RIPK4: variants seen among roughly 807,000 people sequenced by gnomAD.
The protein encoded by RIPK4 is receptor interacting serine/threonine kinase 4.
Under a neutral mutation model 42.9 loss-of-function variants are expected in RIPK4, and 17 were observed. The ratio of observed to expected loss-of-function variants is 0.40; its 90% CI spans 0.27 to 0.59. RIPK4 has a LOEUF of 0.59. RIPK4 is among the 20% of genes least tolerant of loss of function. RIPK4 has a pLI of 0.47. For synonymous variants in RIPK4, 498 were observed against 499.1 expected (o/e 1.00, Z 0.03); for missense variants, 897 against 1,104.4 (o/e 0.81, Z 2.66).
chr21:41,753,099 G>A (rs13048907), intron 2 of RIPK4, among the ~76,000 whole-genome samples: 21,869 of 152,108 alleles, frequency 0.14, 1,722 homozygotes, highest in South Asian at 0.21. Flanking sequence ...TCCCTCCCAC[G>A]GTTAGTTAAG....
Position 41,766,911 on chromosome 21 carries a change from C to T in RIPK4, c.131G>A (p.Trp44Ter), listed in dbSNP as rs1342769058. The T allele has an allele frequency of 6.2e-7, 1 of 1,610,900 alleles. No individual in the cohort carries two copies. Among genetic ancestry groups the T allele is most frequent in the African/African-American group, 1.3e-5 (1 of 74,498 alleles). Residue 44 changes from tryptophan (W) to a stop codon, truncating the protein, a stop_gained, in exon 1 of 8, where the codon TGG becomes TAG. Coordinates refer to ENST00000332512, the MANE Select transcript of RIPK4 (RefSeq NM_020639.3). LOFTEE classifies it high-confidence loss of function. ...GCACTTGATGGCCAGCCAGGTCTTC[C>T]AGTGGACATGGCGCACCTTGTACAC... ...GQVYKVRHVH[W>*]KTWLAIKCSP...
In RIPK4 at chr21:41,741,022, C is replaced by A. The variant is rs766516062; in HGVS notation, c.2171G>T (p.Ser724Ile). The change falls in exon 8 of 8, where the codon AGC becomes ATC. Residue 724 changes from serine (S) to isoleucine (I), a missense_variant. Ser to Ile is a moderately radical substitution (Grantham distance 142, BLOSUM62 -2). Transcript: ENST00000332512. The part of the protein sequence containing the change: ...GHSEVVEELV[S>I]ADVIDLFDEQ... Reference sequence around the variant, plus strand: ...GTCGAACAGGTCAATGACATCGGCGCTGACCAACTCCTCCACCACCTCCGA... The same window carrying A: ...GTCGAACAGGTCAATGACATCGGCGATGACCAACTCCTCCACCACCTCCGA... 3.1e-6 allele frequency: 5 copies of A among 1,609,592 alleles called. No homozygotes were observed. Among genetic ancestry groups the A allele is most frequent in the East Asian group, 2.2e-5 (1 of 44,816 alleles).
rs746468215 is a variant in RIPK4, at chr21:41,756,559, G to A, written c.440C>T (p.Ala147Val). 6.2e-6 allele frequency: 10 copies of A among 1,613,676 alleles called. No homozygotes were observed. The highest frequency in any genetic ancestry group is 1.7e-5 in the Admixed American group (1 of 60,016). ...GTAGTGGGCATCCAGCAGGATGTTC[G>A]CGGGCTTGAGGTCCAGGTGCAGGAG... The part of the protein sequence containing the change: ...PPLLHLDLKP[A>V]NILLDAHYHV... The change falls in exon 2 of 8, where the codon GCG becomes GTG. Residue 147 changes from alanine to valine, a missense_variant. Physicochemically the swap from Ala to Val is moderately conservative, Grantham distance 64 (BLOSUM62 0). Coordinates refer to ENST00000332512, the MANE Select transcript of RIPK4 (RefSeq NM_020639.3).
chr21:41,754,485 G>C lies in RIPK4; in HGVS notation c.474+2040C>G, dbSNP rs2061197208. Among the ~76,000 whole-genome samples the C allele has an allele frequency of 2.0e-5, 3 of 152,126 alleles. No individual in the cohort carries two copies. The South Asian group carries it at 6.2e-4, about 32-fold the overall frequency. On this transcript the variant is annotated intron_variant, in intron 2 of 7. Coordinates refer to ENST00000332512, the MANE Select transcript of RIPK4 (RefSeq NM_020639.3). ...ACACAGAGATGTCCTGTCACTTCCT[G>C]GCCAGCACCCAGCGTGCCTTCGACA...
intron 4 of RIPK4, among the ~76,000 whole-genome samples, chr21:41,748,309 C>T (rs1212482618): frequency 6.6e-6 from 1 of 152,232 alleles, no homozygotes; most frequent in Non-Finnish European, 1.5e-5. Context: ...TAGGCCTTGA[C>T]TCTCATCTTC....
chr21:41,757,476 C>A (rs2061207244), intron 1 of RIPK4, among the ~76,000 whole-genome samples: 2 of 149,700 alleles, frequency 1.3e-5, no homozygotes, highest in Non-Finnish European at 3.0e-5. Context: ...GAGCTGAAAT[C>A]ATGCCACTGC....
intron 6 of RIPK4, among the ~76,000 whole-genome samples, chr21:41,744,932 G>A (rs530928506): frequency 4.3e-4 from 65 of 152,162 alleles, no homozygotes; most frequent in African/African-American, 1.4e-3. Context: ...GGAATCTGAC[G>A]GGATTTCACG....
rs116060653 is a variant in RIPK4 at position 41,742,139 on chromosome 21, G to C, written c.1196-142C>G. On this transcript the variant is annotated intron_variant, in intron 7 of 7. Transcript: ENST00000332512. This position sits in a 1 kb window ranked among gnomAD's most constrained non-coding sequence, Gnocchi z 5.1. ...GCTGGTCACCCGACTGTGTTTGAGC[G>C]TTGTCTGTGCCTCGTGATTAAGGTC... is the stretch of plus-strand genomic sequence containing the variant. 9 of 762,064 alleles carry C rather than the reference G, an allele frequency of 1.2e-5. No homozygotes were observed. The highest frequency in any genetic ancestry group is 3.5e-5 in the African/African-American group (2 of 57,424). 47.2% of individuals were successfully genotyped at this position (762,064 alleles called of 1,614,324 possible). A position where few individuals can be genotyped will look rare whatever the true frequency, so the allele number is the denominator to read the frequency against.
At chr21:41,764,543 G>A (rs1307157232) in intron 1 of RIPK4, among the ~76,000 whole-genome samples, 1 of 152,058 alleles carries the variant, frequency 6.6e-6, no homozygotes. Context: ...AGAATCCTAT[G>A]CCCCAATTCA....
rs763547963 is a variant in RIPK4, at chr21:41,749,206, G to A, written c.624-3C>T. The A allele has an allele frequency of 1.2e-6, 2 of 1,613,716 alleles. No individual in the cohort carries two copies. Among genetic ancestry groups the A allele is most frequent in the African/African-American group, 2.7e-5 (2 of 74,910 alleles). The stretch of plus-strand genomic sequence containing the variant: ...CGCCCCAGATGACGATCGCAAAGCT[G>A]GAAGAGAAACCAGGCACGTTAGCAT... On this transcript the variant is annotated splice_region_variant and splice_polypyrimidine_tract_variant and intron_variant, in intron 3 of 7. Coordinates refer to ENST00000332512, the MANE Select transcript of RIPK4 (RefSeq NM_020639.3).
Position 41,758,051 on chromosome 21 carries a change from G to T in RIPK4, c.183-1235C>A, listed in dbSNP as rs1174338421. The stretch of plus-strand genomic sequence containing the variant: ...ATATATATATATATATAGAGAGAGA[G>T]AGAGAGAGAGAGAGAGAGAGAGAGA... On this transcript the variant is annotated intron_variant, in intron 1 of 7. Transcript: ENST00000332512. Among the ~76,000 whole-genome samples, 604 of 121,422 alleles carry T rather than the reference G, an allele frequency of 5.0e-3. 4 individuals are homozygous for T. Among genetic ancestry groups the T allele is most frequent in the Middle Eastern group, 0.015 (3 of 196 alleles). 79.7% of individuals were successfully genotyped at this position (121,422 alleles called of 152,430 possible).
rs373844884 is a variant in RIPK4, at chr21:41,749,223, C to A, written c.624-20G>T. 16 of 1,613,526 alleles carry A rather than the reference C, an allele frequency of 9.9e-6. No individual in the cohort carries two copies. The highest frequency in any genetic ancestry group is 1.2e-5 in the Non-Finnish European group (14 of 1,179,766). ...GCAAAGCTGGAAGAGAAACCAGGCA[C>A]GTTAGCATCTGACAGCCAGAGACTC... On this transcript the variant is annotated intron_variant, in intron 3 of 7. Coordinates refer to ENST00000332512, the MANE Select transcript of RIPK4 (RefSeq NM_020639.3).
Position 41,741,059 on chromosome 21 carries a change from C to T in RIPK4, c.2134G>A (p.Ala712Thr), listed in dbSNP as rs199540981. Residue 712 changes from alanine to threonine, a missense_variant, in exon 8 of 8, where the codon GCC (alanine) becomes ACC (threonine). Transcript: ENST00000332512. ...LNQTALHLAA[A>T]HGHSEVVEEL... Reference sequence around the variant, plus strand: ...TCCACCACCTCCGAGTGCCCGTGGGCGGCAGCCAGGTGCAGCGCCGTCTGG... The same window carrying T: ...TCCACCACCTCCGAGTGCCCGTGGGTGGCAGCCAGGTGCAGCGCCGTCTGG... The T allele has an allele frequency of 1.1e-5, 17 of 1,610,042 alleles. No individual in the cohort carries two copies. Among genetic ancestry groups the T allele is most frequent in the East Asian group, 8.9e-5 (4 of 44,840 alleles).
At chr21:41,764,266 C>T (rs996155501) in intron 1 of RIPK4, among the ~76,000 whole-genome samples, 2 of 152,192 alleles carry the variant, frequency 1.3e-5, no homozygotes, top group African/African-American at 4.8e-5. Context: ...CGGCTGAAGG[C>T]CTGGCCCAGG....
rs1338734035 is a variant in RIPK4 at position 41,741,700 on chromosome 21, T to C, written c.1493A>G (p.Asn498Ser). Residue 498 changes from asparagine to serine, a missense_variant, in exon 8 of 8, where the codon AAC (asparagine) becomes AGC (serine). Physicochemically the swap from Asn to Ser is conservative, Grantham distance 46. Transcript: ENST00000332512. ...ELLLARKISVNAKDEDQWTAL... is the reference protein window; with the variant it reads ...ELLLARKISVSAKDEDQWTAL... ...TGTCCACTGGTCCTCATCCTTGGCG[T>C]TGACACTGATCTTCCGCGCCAGCAG... is the stretch of plus-strand genomic sequence containing the variant. 1.2e-6 allele frequency: 2 copies of C among 1,613,692 alleles called. No homozygotes were observed. Among genetic ancestry groups the C allele is most frequent in the East Asian group, 2.2e-5 (1 of 44,876 alleles).
At chr21:41,757,118 C>T (rs776908019) in intron 1 of RIPK4, among the ~76,000 whole-genome samples, 22 of 152,194 alleles carry the variant, frequency 1.4e-4, no homozygotes, top group Non-Finnish European at 2.6e-4. Context: ...AATAATTCCA[C>T]AGGCAGCCAT....
At position 41,751,906 on chromosome 21, in the gene RIPK4, G is replaced by C. The variant is rs1388293532; in HGVS notation, c.475-661C>G. On this transcript the variant is annotated intron_variant, in intron 2 of 7. Transcript: ENST00000332512. This position sits in a 1 kb window ranked among gnomAD's most constrained non-coding sequence, Gnocchi z 4.5. ...TCTGATAAACACCTCTGCTGGCAGC[G>C]CCCGGGCCCCAAGGAGCACCGGCCA... Among the ~76,000 whole-genome samples, 1 of 152,142 alleles carries C rather than the reference G, an allele frequency of 6.6e-6. No homozygotes were observed.
At position 41,756,640 on chromosome 21, in the gene RIPK4, C is replaced by T. The variant is rs1236858466; in HGVS notation, c.359G>A (p.Arg120Gln). The T allele has an allele frequency of 3.1e-6, 5 of 1,614,052 alleles. No homozygotes were observed. Among genetic ancestry groups the T allele is most frequent in the Non-Finnish European group, 3.4e-6 (4 of 1,180,034 alleles). Residue 120 changes from arginine to glutamine, a missense_variant, in exon 2 of 8, where the codon CGA becomes CAA. Transcript: ENST00000332512. ...GCCCACCGCCGTCTCGTGGATGATT[C>T]GGAACCGGAGATCCCATGGCAATGG... Reference protein sequence around the residue: ...SEPLPWDLRFRIIHETAVGMN... With the variant: ...SEPLPWDLRFQIIHETAVGMN...
At chr21:41,758,041 T>TAGAGAGAGAG (rs71188681) in intron 1 of RIPK4, among the ~76,000 whole-genome samples, 43 of 58,480 alleles carry the variant, frequency 7.4e-4, no homozygotes, top group Middle Eastern at 0.011. Context: ...TATATATATA[T>TAGAGAGAGAG]AGAGAGAGAG....
Sources: allele counts gnomAD v4.1 joint callset (sites outside exome capture counted in the v4.1 genomes callset), GRCh38; gene constraint gnomAD v4.1.1; non-coding constraint Gnocchi (gnomAD v3.1); transcripts MANE v1.5; gene names NCBI Gene and HGNC (gene_info 2026-07-23, HGNC 2026-07-21).